Variants in NCAM2 observed in about 807,000 individuals in gnomAD.
The protein encoded by NCAM2 is N-CAM-2.
NCAM2 carries 30 observed loss-of-function variants against 98.1 expected under a neutral mutation model. That is an observed-to-expected ratio of 0.31 (90% CI 0.23 to 0.41). The LOEUF is 0.41. NCAM2 is among the 10% of genes least tolerant of loss of function. The probability of loss-of-function intolerance (pLI) is 1.00; values close to 1 mark genes in which losing one functional copy is unlikely to be tolerated. For missense variants in NCAM2, 867 were observed against 1,005.8 expected (o/e 0.86, Z 1.87); for synonymous variants, 368 against 342.4 (o/e 1.07, Z -0.83).
intron 1 of NCAM2, among the ~76,000 whole-genome samples, chr21:21,019,234 T>C (rs550622640): frequency 6.6e-6 from 1 of 152,252 alleles, no homozygotes; most frequent in African/African-American, 2.4e-5. Context: ...TCTGTATACT[T>C]AAATATCTAA....
intron 1 of NCAM2, among the ~76,000 whole-genome samples, chr21:21,265,714 A>G (rs540069330): frequency 6.6e-6 from 1 of 151,800 alleles, no homozygotes; most frequent in Non-Finnish European, 1.5e-5. Context: ...AGCAACGGAT[A>G]CACATGGATA....
chr21:21,145,778 C>T (rs1038696493), intron 1 of NCAM2, among the ~76,000 whole-genome samples: 2 of 151,916 alleles, frequency 1.3e-5, no homozygotes, highest in Non-Finnish European at 1.5e-5. Flanking sequence ...GAGTACAAAA[C>T]GATAAATAAA....
At chr21:21,244,217 A>G (rs959735977) in intron 1 of NCAM2, among the ~76,000 whole-genome samples, 1 of 152,170 alleles carries the variant, frequency 6.6e-6, no homozygotes, top group African/African-American at 2.4e-5. Flanking sequence ...AGCCAAAAGA[A>G]TAAAACCCCT....
chr21:21,476,583 A>G (rs930297646), intron 14 of NCAM2, among the ~76,000 whole-genome samples: 1 of 152,072 alleles, frequency 6.6e-6, no homozygotes, highest in Non-Finnish European at 1.5e-5. Context: ...TTCATTAGTA[A>G]TTGTAGTTCT....
intron 10 of NCAM2, among the ~76,000 whole-genome samples, chr21:21,412,597 T>A (rs2076909598): frequency 6.6e-6 from 1 of 152,182 alleles, no homozygotes; most frequent in South Asian, 2.1e-4. Context: ...TTTAAACTTC[T>A]GCCTAAAGAC....
At chr21:21,214,721 CCATATATATATATATATATATATAT>C (rs2069802192) in intron 1 of NCAM2, among the ~76,000 whole-genome samples, 1 of 22,584 alleles carries the variant, frequency 4.4e-5, no homozygotes, top group Admixed American at 5.3e-4. Context: ...TATATATATT[CCATATATATATATATATATATATAT>C]ACACTATATA....
At chr21:21,119,754 A>G (rs1338040984) in intron 1 of NCAM2, among the ~76,000 whole-genome samples, 1 of 152,234 alleles carries the variant, frequency 6.6e-6, no homozygotes, top group East Asian at 1.9e-4. Context: ...TATCTTATTA[A>G]TAGTACTTCT....
intron 1 of NCAM2, among the ~76,000 whole-genome samples, chr21:21,021,976 T>C (rs1287580756): frequency 6.6e-6 from 1 of 152,146 alleles, no homozygotes; most frequent in Non-Finnish European, 1.5e-5. Flanking sequence ...TGCTCTGATA[T>C]TGTTATTTAT....
chr21:21,209,891 G>A (rs1378227406), intron 1 of NCAM2, among the ~76,000 whole-genome samples: 1 of 152,064 alleles, frequency 6.6e-6, no homozygotes, highest in Non-Finnish European at 1.5e-5. Context: ...ACAGTAACAT[G>A]GCATTATGGT....
intron 15 of NCAM2, among the ~76,000 whole-genome samples, chr21:21,492,779 T>G (rs760262028): frequency 1.4e-4 from 22 of 151,928 alleles, no homozygotes; most frequent in Non-Finnish European, 2.5e-4. Flanking sequence ...TATTTAATAT[T>G]ACAAAGAGAA....
At chr21:21,256,080 C>T (rs759271773) in intron 1 of NCAM2, among the ~76,000 whole-genome samples, 2 of 151,940 alleles carry the variant, frequency 1.3e-5, no homozygotes, top group Non-Finnish European at 2.9e-5. Context: ...TCTGGCTGGG[C>T]GCAGTGGCTC....
chr21:21,340,266 TATC>T (rs1161167965), intron 8 of NCAM2, among the ~76,000 whole-genome samples: 1 of 151,984 alleles, frequency 6.6e-6, no homozygotes, highest in African/African-American at 2.4e-5. Context: ...TCTTAAAAGT[TATC>T]TTCTCAAAGA....
intron 1 of NCAM2, among the ~76,000 whole-genome samples, chr21:20,999,171 G>T (rs1401143555): frequency 6.6e-6 from 1 of 152,100 alleles, no homozygotes; most frequent in Non-Finnish European, 1.5e-5. Flanking sequence ...TAAGAGAGGG[G>T]CCGTGGATAT....
At chr21:21,289,781 G>T (rs1357675392) in intron 4 of NCAM2, among the ~76,000 whole-genome samples, 1 of 151,820 alleles carries the variant, frequency 6.6e-6, no homozygotes, top group East Asian at 1.9e-4. Flanking sequence ...TTCAAAGGGG[G>T]CATCATTAAA....
At chr21:21,069,837 A>G (rs1011353238) in intron 1 of NCAM2, among the ~76,000 whole-genome samples, 2 of 152,158 alleles carry the variant, frequency 1.3e-5, no homozygotes, top group Non-Finnish European at 2.9e-5. Flanking sequence ...TTAAGCATTC[A>G]ACTGCAGTGA....
intron 1 of NCAM2, among the ~76,000 whole-genome samples, chr21:21,216,940 G>A (rs1432357374): frequency 6.6e-6 from 1 of 152,076 alleles, no homozygotes; most frequent in Non-Finnish European, 1.5e-5. Flanking sequence ...GGAAACCTTG[G>A]TTGAAGTTTT....
chr21:21,143,381 A>T (rs1043111382), intron 1 of NCAM2, among the ~76,000 whole-genome samples: 1 of 151,652 alleles, frequency 6.6e-6, no homozygotes, highest in African/African-American at 2.4e-5. Context: ...TTCAGTTTTG[A>T]TTTGTTTTAG....
intron 1 of NCAM2, among the ~76,000 whole-genome samples, chr21:21,265,791 C>A (rs1218869056): frequency 6.6e-6 from 1 of 151,920 alleles, no homozygotes; most frequent in African/African-American, 2.4e-5. Context: ...GAATAATGAC[C>A]TACTGAGTAC....
chr21:21,036,617 A>G (rs563373579), intron 1 of NCAM2, among the ~76,000 whole-genome samples: 1 of 152,316 alleles, frequency 6.6e-6, no homozygotes, highest in East Asian at 1.9e-4. Flanking sequence ...TCGTTGGGGA[A>G]AGTGTAGATT....
Sources: gnomAD v4.1 joint callset for allele counts (sites outside exome capture counted in the v4.1 genomes callset) on GRCh38, gnomAD v4.1.1 for gene constraint, MANE v1.5 for transcripts, NCBI Gene and HGNC (gene_info 2026-07-23, HGNC 2026-07-21) for gene names.